FOCAD: variants seen among roughly 807,000 people sequenced by gnomAD.
FOCAD encodes the protein KIAA1797.
A neutral mutation model predicts 225.6 loss-of-function variants in FOCAD; 198 were observed. The observed-to-expected ratio is 0.88, with a 90% CI of 0.78 to 0.99. FOCAD has a LOEUF of 0.99. Among genes scored for constraint, FOCAD ranks in the 50% least tolerant of loss-of-function variants. The pLI is 0.00. For synonymous variants in FOCAD, 897 were observed against 755.0 expected (o/e 1.19, Z -3.08); for missense variants, 2,713 against 2,123.6 (o/e 1.28, Z -5.46).
Position 20,926,334 on chromosome 9 carries a change from G to C in FOCAD, c.2995G>C (p.Val999Leu). ...QPNFLSMKEW[V>L]SMVLDTLLVI... is the part of the protein sequence containing the mutation. ...TAATTTCCTTTCAATGAAAGAGTGG[G>C]TTTCCATGGTACTTGATACACTCTT... The change falls in exon 26 of 44, where the codon GTT becomes CTT. Residue 999 changes from valine (V) to leucine (L), a missense_variant. Coordinates refer to ENST00000338382, the MANE Select transcript of FOCAD (RefSeq NM_001375567.1). 6.2e-7 allele frequency: 1 copy of C among 1,612,706 alleles called. No individual in the cohort carries two copies. The highest frequency in any genetic ancestry group is 8.5e-7 in the Non-Finnish European group (1 of 1,178,980).
At chr9:20,883,859 GA>G (rs1201495510) in intron 20 of FOCAD, among the ~76,000 whole-genome samples, 4 of 152,088 alleles carry the variant, frequency 2.6e-5, no homozygotes, top group African/African-American at 9.7e-5. Flanking sequence ...AAGAAGCTTG[GA>G]AAAGAACAGC....
chr9:20,814,670 T>C (rs1027657650), intron 11 of FOCAD, among the ~76,000 whole-genome samples: 2 of 152,134 alleles, frequency 1.3e-5, no homozygotes, highest in Non-Finnish European at 1.5e-5. Context: ...TCATTTTCTT[T>C]TGTGCATGTT....
At chr9:20,862,480 T>G in intron 15 of FOCAD, 98 bp from the exon 16 acceptor site, 1 of 1,353,298 alleles carries the variant, frequency 7.4e-7, no homozygotes, top group Admixed American at 2.4e-5. Context: ...CTTATTTGTT[T>G]CTTAAGTTTC....
intron 21 of FOCAD, among the ~76,000 whole-genome samples, chr9:20,895,520 A>G (rs1832000396): frequency 6.6e-6 from 1 of 151,748 alleles, no homozygotes; most frequent in South Asian, 2.1e-4. Flanking sequence ...TTTTTCTCCT[A>G]TAGATATTAT....
intron 27 of FOCAD, among the ~76,000 whole-genome samples, chr9:20,931,145 T>C (rs1040122761): frequency 4.6e-5 from 7 of 152,228 alleles, no homozygotes; most frequent in Non-Finnish European, 7.3e-5. Context: ...TTAATCATGC[T>C]GCCTGGAGAA....
At chr9:20,830,439 A>G (rs1825369374) in intron 15 of FOCAD, among the ~76,000 whole-genome samples, 1 of 152,118 alleles carries the variant, frequency 6.6e-6, no homozygotes, top group Middle Eastern at 3.2e-3. Context: ...GGGTAATGAA[A>G]AAAAGTAGTA....
chr9:20,690,660 T>A (rs993988698), intron 1 of FOCAD, among the ~76,000 whole-genome samples: 2 of 152,170 alleles, frequency 1.3e-5, no homozygotes, highest in Non-Finnish European at 2.9e-5. Flanking sequence ...GTGGTACTTC[T>A]GCCTTGCCTC....
chr9:20,722,707 A>G (rs1333642585), intron 4 of FOCAD, among the ~76,000 whole-genome samples: 1 of 152,230 alleles, frequency 6.6e-6, no homozygotes, highest in East Asian at 1.9e-4. Flanking sequence ...CAATTAAAAA[A>G]GTAGTTTTGA....
intron 11 of FOCAD, among the ~76,000 whole-genome samples, chr9:20,790,509 C>G (rs761590058): frequency 6.6e-6 from 1 of 152,178 alleles, no homozygotes; most frequent in African/African-American, 2.4e-5. Context: ...CAGTGACTTA[C>G]GCCTGTAATC....
At chr9:20,987,621 ACTTTTTAACTCTAAG>A (rs1841308516) in intron 40 of FOCAD, among the ~76,000 whole-genome samples, 1 of 152,184 alleles carries the variant, frequency 6.6e-6, no homozygotes, top group African/African-American at 2.4e-5. Flanking sequence ...GAGAAACTGG[ACTTTTTAACTCTAAG>A]CCAAAAGTGT....
intron 11 of FOCAD, among the ~76,000 whole-genome samples, chr9:20,797,955 C>T (rs1057362336): frequency 6.6e-6 from 1 of 152,108 alleles, no homozygotes; most frequent in African/African-American, 2.4e-5. Context: ...CCAGTTTTTG[C>T]CCATTCAGTA....
intron 18 of FOCAD, chr9:20,872,817 A>C (rs1207856103): frequency 6.6e-6 from 1 of 151,794 alleles, no homozygotes; most frequent in Non-Finnish European, 1.5e-5. Context: ...AGTCTCCATT[A>C]CTCCATTCCC....
chr9:20,993,156 G>A, intron 42 of FOCAD, 97 bp from the exon 43 acceptor site: 1 of 984,598 alleles, frequency 1.0e-6, no homozygotes, highest in Non-Finnish European at 1.6e-6. Flanking sequence ...GGCTGAGGCA[G>A]GAAAATCACC....
intron 21 of FOCAD, among the ~76,000 whole-genome samples, chr9:20,903,965 TCTATGGCTTTAC>T (rs1200290823): frequency 6.6e-6 from 1 of 151,916 alleles, no homozygotes; most frequent in Non-Finnish European, 1.5e-5. Flanking sequence ...ACTTTCTGTC[TCTATGGCTTTAC>T]CTATTCTGGA....
At chr9:20,995,513 T>A (rs762375484) in intron 43 of FOCAD, 43 bp from the exon 44 acceptor site, 1 of 1,527,356 alleles carries the variant, frequency 6.5e-7, no homozygotes, top group East Asian at 2.3e-5. Flanking sequence ...TTGATCAAAA[T>A]GACCTTTTCA....
chr9:20,862,550 G>A (rs776599731), intron 15 of FOCAD, 28 bp from the exon 16 acceptor site: 2 of 1,609,698 alleles, frequency 1.2e-6, no homozygotes, highest in Non-Finnish European at 8.5e-7. Context: ...GTCTTGTTAG[G>A]TGTTGACCTT....
chr9:20,987,243 G>A (rs1334217622), intron 40 of FOCAD, among the ~76,000 whole-genome samples: 1 of 152,116 alleles, frequency 6.6e-6, no homozygotes, highest in Non-Finnish European at 1.5e-5. Flanking sequence ...CTGCAAGACT[G>A]TATCGCCTTA....
intron 2 of FOCAD, among the ~76,000 whole-genome samples, chr9:20,670,975 C>T (rs567768308): frequency 6.6e-6 from 1 of 152,266 alleles, no homozygotes; most frequent in East Asian, 1.9e-4. Context: ...AATTTTAAAT[C>T]CCAGCTAGTA....
chr9:20,862,600 G>T lies in FOCAD; in HGVS notation c.1943G>T (p.Trp648Leu). 6.2e-7 allele frequency: 1 copy of T among 1,613,048 alleles called. No individual in the cohort carries two copies. Among genetic ancestry groups the T allele is most frequent in the Non-Finnish European group, 8.5e-7 (1 of 1,179,436 alleles). The change falls in exon 16 of 44, where the codon TGG becomes TTG. Residue 648 changes from tryptophan to leucine, a missense_variant. By Grantham distance (61) the Trp-to-Leu change is moderately conservative (BLOSUM62 -2). Transcript: ENST00000338382. ...QAEVVCIRST[W>L]NALSPKLSCD... The stretch of plus-strand genomic sequence containing the variant: ...CAGGTTGTTTGCATTCGCTCCACTT[G>T]GAATGCTCTCTCTCCAAAGCTGAGT...
Sources: gnomAD v4.1 joint callset for allele counts (sites outside exome capture counted in the v4.1 genomes callset) on GRCh38, gnomAD v4.1.1 for gene constraint, MANE v1.5 for transcripts, NCBI Gene and HGNC (gene_info 2026-07-23, HGNC 2026-07-21) for gene names.